The following FAT4 variants were observed in gnomAD, a reference collection of about 807,000 sequenced individuals.
FAT4 encodes the protein FAT atypical cadherin 4.
Under a neutral mutation model 303.9 loss-of-function variants are expected in FAT4, and 84 were observed. The observed-to-expected ratio is 0.28, with a 90% CI of 0.23 to 0.33. The LOEUF (loss-of-function observed/expected upper bound fraction) is 0.33. Ranked by LOEUF, FAT4 falls within the 10% of genes least tolerant of loss-of-function variation. The pLI is 1.00. For synonymous variants in FAT4, 2,307 were observed against 2,298.8 expected, an observed-to-expected ratio of 1.00 and a Z score of -0.10; for missense variants, 6,005 against 6,146.8, an observed-to-expected ratio of 0.98 and a Z score of 0.77.
At chr4:125,413,143 T>G (rs1366195547) in intron 5 of FAT4, among the ~76,000 whole-genome samples, 1 of 151,776 alleles carries the variant, frequency 6.6e-6, no homozygotes, top group Non-Finnish European at 1.5e-5. Flanking sequence ...TACGTTGTAA[T>G]GAAAGTCCTA....
intron 7 of FAT4, among the ~76,000 whole-genome samples, chr4:125,433,493 A>T (rs768039462): frequency 6.6e-6 from 1 of 152,210 alleles, no homozygotes; most frequent in Non-Finnish European, 1.5e-5. Flanking sequence ...ATTCCAACAC[A>T]TATGGCATCT....
Position 125,449,346 on chromosome 4 carries a change from T to G in FAT4, c.8336T>G (p.Phe2779Cys), listed in dbSNP as rs772006306. The G allele has an allele frequency of 6.2e-7, 1 of 1,613,890 alleles. No homozygotes were observed. Among genetic ancestry groups the G allele is most frequent in the Non-Finnish European group, 8.5e-7 (1 of 1,179,886 alleles). ...NDNAPRFSQIFSAHVPENSPL... is the reference protein window; with the variant it reads ...NDNAPRFSQICSAHVPENSPL... ...AATGCCCCTAGGTTTTCTCAGATATTTAGTGCCCATGTTCCTGAAAATTCC... is the reference window on the plus strand; with the variant it reads ...AATGCCCCTAGGTTTTCTCAGATATGTAGTGCCCATGTTCCTGAAAATTCC... The change falls in exon 10 of 18, where the codon TTT becomes TGT. Residue 2779 changes from phenylalanine (F) to cysteine (C), a missense_variant. Transcript: ENST00000394329.
intron 2 of FAT4, among the ~76,000 whole-genome samples, chr4:125,376,598 T>TAAA (rs1733333598): frequency 1.3e-5 from 2 of 152,112 alleles, no homozygotes; most frequent in South Asian, 4.2e-4. Flanking sequence ...TAAGTATAAT[T>TAAA]AAAAATAAAT....
At chr4:125,430,370 T>C (rs2390836) in intron 7 of FAT4, among the ~76,000 whole-genome samples, 151,089 of 152,140 alleles carry the variant, frequency 0.99, 75,028 homozygotes, top group Middle Eastern at 1. Flanking sequence ...CATTTTTCTG[T>C]GTAAAGCTGA....
rs117095000 is a variant in FAT4, at chr4:125,364,609, C to T, written c.5176-34175C>T. On this transcript the variant is annotated intron_variant, in intron 2 of 17. Transcript: ENST00000394329. ...GAAGGATCGCTTGAATTAACTAGGCCATCTTCAGTGGTCAGGAGTCAGTTT... is the reference window on the plus strand; with the variant it reads ...GAAGGATCGCTTGAATTAACTAGGCTATCTTCAGTGGTCAGGAGTCAGTTT... Among the ~76,000 whole-genome samples the T allele has an allele frequency of 4.6e-5, 7 of 151,824 alleles. No individual in the cohort carries two copies. In the East Asian group the frequency reaches 1.4e-3, roughly 30 times the overall value.
intron 3 of FAT4, among the ~76,000 whole-genome samples, chr4:125,399,795 G>A (rs1204859066): frequency 6.6e-6 from 1 of 151,848 alleles, no homozygotes; most frequent in East Asian, 1.9e-4. Context: ...TTAGGTAATT[G>A]CAATTTGCTA....
chr4:125,354,035 A>G (rs1732334166), intron 2 of FAT4, among the ~76,000 whole-genome samples: 1 of 151,766 alleles, frequency 6.6e-6, no homozygotes, highest in Non-Finnish European at 1.5e-5. Context: ...AGAATAAAAC[A>G]ATGTTGGAAA....
Position 125,317,166 on chromosome 4 carries a change from G to T in FAT4, c.755G>T (p.Ser252Ile). The stretch of plus-strand genomic sequence containing the variant: ...AATGACAACCCCCCGGTTTTTGGCA[G>T]TTCTCACTACCAGGCGGGGGTGCCT... Reference protein sequence around the residue: ...DINDNPPVFGSSHYQAGVPED... With the variant: ...DINDNPPVFGISHYQAGVPED... The change falls in exon 2 of 18, where the codon AGT (serine) becomes ATT (isoleucine). Residue 252 changes from serine to isoleucine, a missense_variant. Transcript: ENST00000394329. This position sits in a 1 kb window ranked among gnomAD's most constrained non-coding sequence, Gnocchi z 7.0. 1.2e-6 allele frequency: 2 copies of T among 1,605,640 alleles called. No homozygotes were observed. Among genetic ancestry groups the T allele is most frequent in the Non-Finnish European group, 1.7e-6 (2 of 1,174,124 alleles).
rs112076736 is a variant in FAT4, at chr4:125,345,822, C to T, written c.5175+24236C>T. On this transcript the variant is annotated intron_variant, in intron 2 of 17. Coordinates refer to ENST00000394329, the MANE Select transcript of FAT4 (RefSeq NM_001291303.3). ...TACATGTAGTGCTATAAATGTTAAC[C>T]AGGTAGATTTTTCCCAGCTGCCTAG... Among the ~76,000 whole-genome samples, 815 of 151,952 alleles carry T rather than the reference C, an allele frequency of 5.4e-3. 1 individual carries two copies. Among genetic ancestry groups the T allele is most frequent in the Middle Eastern group, 0.02 (6 of 294 alleles).
intron 2 of FAT4, among the ~76,000 whole-genome samples, chr4:125,395,621 T>C (rs946644976): frequency 6.6e-6 from 1 of 152,102 alleles, no homozygotes; most frequent in African/African-American, 2.4e-5. Flanking sequence ...GCCCGGCCAT[T>C]ATTCACTTTT....
chr4:125,457,667 CAT>C (rs1254060829), intron 10 of FAT4, among the ~76,000 whole-genome samples: 1 of 151,806 alleles, frequency 6.6e-6, no homozygotes, highest in Non-Finnish European at 1.5e-5. Flanking sequence ...TTAACTGTAA[CAT>C]AAATTATTAG....
chr4:125,387,447 TTGTTCTTGCAA>T (rs1733797504), intron 2 of FAT4, among the ~76,000 whole-genome samples: 1 of 152,192 alleles, frequency 6.6e-6, no homozygotes, highest in Non-Finnish European at 1.5e-5. Context: ...TGCCATTATT[TTGTTCTTGCAA>T]TGTTCTTTGT....
chr4:125,339,448 G>A lies in FAT4; in HGVS notation c.5175+17862G>A, dbSNP rs181702586. ...TCTGACCTCGTGATCCGCCTGCCTCGGCCTCCCAAAGTGCTGGGATTATAG... is the reference window on the plus strand; with the variant it reads ...TCTGACCTCGTGATCCGCCTGCCTCAGCCTCCCAAAGTGCTGGGATTATAG... On this transcript the variant is annotated intron_variant, in intron 2 of 17. Coordinates refer to ENST00000394329, the MANE Select transcript of FAT4 (RefSeq NM_001291303.3). Among the ~76,000 whole-genome samples, 132 of 151,992 alleles carry A rather than the reference G, an allele frequency of 8.7e-4. 1 individual carries two copies. The East Asian group carries it at 0.012, about 14-fold the overall frequency.
intron 2 of FAT4, among the ~76,000 whole-genome samples, chr4:125,397,946 T>C (rs1734245448): frequency 6.6e-6 from 1 of 152,186 alleles, no homozygotes; most frequent in Non-Finnish European, 1.5e-5. Flanking sequence ...AATGGATGAC[T>C]TAATTTTGTG....
At chr4:125,488,816 C>T (rs1322257369) in intron 17 of FAT4, among the ~76,000 whole-genome samples, 1 of 151,996 alleles carries the variant, frequency 6.6e-6, no homozygotes, top group African/African-American at 2.4e-5. Context: ...AAGTACTGGA[C>T]ATGGATGTGA....
intron 2 of FAT4, among the ~76,000 whole-genome samples, chr4:125,349,637 T>A (rs1189303576): frequency 3.3e-5 from 5 of 151,734 alleles, no homozygotes; most frequent in African/African-American, 1.2e-4. Flanking sequence ...GTATATGACA[T>A]GCATGATTCA....
intron 2 of FAT4, among the ~76,000 whole-genome samples, chr4:125,333,833 A>G (rs1425268016): frequency 6.6e-6 from 1 of 152,192 alleles, no homozygotes; most frequent in Non-Finnish European, 1.5e-5. Flanking sequence ...TATATTTTCA[A>G]ATATTAAAAA....
At chr4:125,333,476 T>C (rs749538365) in intron 2 of FAT4, among the ~76,000 whole-genome samples, 7 of 152,204 alleles carry the variant, frequency 4.6e-5, no homozygotes, top group Non-Finnish European at 1.0e-4. Context: ...TATTTATTTA[T>C]GGATCAAAAG....
In FAT4 at chr4:125,315,710, C is replaced by T. The variant is rs957328346; in HGVS notation, c.-280C>T. The stretch of plus-strand genomic sequence containing the variant: ...GGGCAGAGTTGAGCGCTCCCGGGTA[C>T]GGGAGCCAGAGCGCGAACGCTAGCG... On this transcript the variant is annotated 5_prime_UTR_variant, in exon 1 of 18. It adds an upstream start codon to the 5' untranslated region. Transcript: ENST00000394329. Among the ~76,000 whole-genome samples the T allele has an allele frequency of 6.6e-6, 1 of 152,146 alleles. No individual in the cohort carries two copies. The highest frequency in any genetic ancestry group is 6.5e-5 in the Admixed American group (1 of 15,282).
Sources: gnomAD v4.1 joint callset for allele counts (sites outside exome capture counted in the v4.1 genomes callset) on GRCh38, gnomAD v4.1.1 for gene constraint, Gnocchi (gnomAD v3.1) non-coding constraint, MANE v1.5 for transcripts, NCBI Gene and HGNC (gene_info 2026-07-23, HGNC 2026-07-21) for gene names.